SLC8A1: variants seen among roughly 807,000 people sequenced by gnomAD.
SLC8A1 encodes the protein sodium/calcium exchanger 1.
A neutral mutation model predicts 68.3 loss-of-function variants in SLC8A1; 18 were observed. The ratio of observed to expected loss-of-function variants is 0.26; its 90% CI spans 0.18 to 0.39. The LOEUF is 0.39. Among genes scored for constraint, SLC8A1 ranks in the 10% least tolerant of loss-of-function variants. The probability of loss-of-function intolerance (pLI) is 1.00; values close to 1 mark genes in which losing one functional copy is unlikely to be tolerated. For missense variants in SLC8A1, 985 were observed against 1,156.7 expected (o/e 0.85, Z 2.15); for synonymous variants, 475 against 415.5 (o/e 1.14, Z -1.74).
intron 2 of SLC8A1, among the ~76,000 whole-genome samples, chr2:40,357,559 G>A (rs558181180): frequency 6.7e-6 from 1 of 148,950 alleles, no homozygotes; most frequent in East Asian, 2.0e-4. Flanking sequence ...CAGTGTAGAA[G>A]TAATCTTCTC....
At chr2:40,318,292 C>A (rs2074736733) in intron 2 of SLC8A1, among the ~76,000 whole-genome samples, 1 of 152,026 alleles carries the variant, frequency 6.6e-6, no homozygotes, top group Admixed American at 6.6e-5. Flanking sequence ...TAATTAGAGC[C>A]TCTCCTGAAA....
intron 2 of SLC8A1, among the ~76,000 whole-genome samples, chr2:40,194,010 G>A (rs2052424321): frequency 6.6e-6 from 1 of 152,100 alleles, no homozygotes; most frequent in African/African-American, 2.4e-5. Context: ...TGCATGAAAT[G>A]CTTTCTCTGA....
chr2:40,354,063 T>C (rs1016797934), intron 2 of SLC8A1, among the ~76,000 whole-genome samples: 8 of 152,172 alleles, frequency 5.3e-5, no homozygotes, highest in African/African-American at 1.7e-4. Context: ...GCCCCAGAAA[T>C]GGGGTTGCAA....
At chr2:40,347,349 C>G (rs1669682128) in intron 2 of SLC8A1, among the ~76,000 whole-genome samples, 1 of 152,192 alleles carries the variant, frequency 6.6e-6, no homozygotes, top group Admixed American at 6.5e-5. Flanking sequence ...GGCAGAATCC[C>G]TTTGAGAACC....
In SLC8A1 at chr2:40,439,038, G is replaced by T. The variant is rs1416808171; in HGVS notation, c.-24-8734C>A. ...TGTCAGCTGTGCTTTCCCTCTCACAGACTGGGTCTCCAGGCAGGATCAAAA... is the reference window on the plus strand; with the variant it reads ...TGTCAGCTGTGCTTTCCCTCTCACATACTGGGTCTCCAGGCAGGATCAAAA... On this transcript the variant is annotated intron_variant, in intron 1 of 7. Transcript: ENST00000406785. Among the ~76,000 whole-genome samples the T allele has an allele frequency of 2.0e-5, 3 of 152,084 alleles. No homozygotes were observed. In the East Asian group the frequency reaches 5.8e-4, roughly 29 times the overall value.
intron 2 of SLC8A1, among the ~76,000 whole-genome samples, chr2:40,336,686 A>G (rs1575507711): frequency 6.6e-6 from 1 of 152,294 alleles, no homozygotes; most frequent in East Asian, 1.9e-4. Context: ...TCGTTCACAA[A>G]AATACAGGCA....
chr2:40,429,906 T>C, exon 2 of SLC8A1: 1 of 1,613,600 alleles, frequency 6.2e-7, no homozygotes, highest in Non-Finnish European at 8.5e-7. Context: ...TCCTCACAGT[T>C]GTCTTGGTGG....
At chr2:40,461,425 T>C (rs750081838) in intron 1 of SLC8A1, among the ~76,000 whole-genome samples, 9 of 152,172 alleles carry the variant, frequency 5.9e-5, no homozygotes, top group Admixed American at 5.2e-4. Flanking sequence ...CTTGGTGTGC[T>C]GGTGTTTCTA....
chr2:40,498,581 C>A (rs776245548), intron 1 of SLC8A1, among the ~76,000 whole-genome samples: 7 of 151,918 alleles, frequency 4.6e-5, no homozygotes, highest in Non-Finnish European at 1.0e-4. Flanking sequence ...TACTTAAGGC[C>A]AAATAGAGAA....
chr2:40,332,025 C>G (rs1375799233), intron 2 of SLC8A1, among the ~76,000 whole-genome samples: 5 of 151,982 alleles, frequency 3.3e-5, no homozygotes, highest in Non-Finnish European at 7.4e-5. Context: ...TCACAGTTCA[C>G]TGTAACCTCA....
At chr2:40,400,734 T>C (rs1472945968) in intron 2 of SLC8A1, among the ~76,000 whole-genome samples, 1 of 151,920 alleles carries the variant, frequency 6.6e-6, no homozygotes, top group Non-Finnish European at 1.5e-5. Flanking sequence ...CCTTGCAAGA[T>C]GGGGGTAGGA....
chr2:40,287,582 A>ATATGTGTGTGTGTGTGTGTGTGTGTG (rs1553475923), intron 2 of SLC8A1, among the ~76,000 whole-genome samples: 15 of 127,574 alleles, frequency 1.2e-4, no homozygotes, highest in African/African-American at 3.8e-4. Flanking sequence ...CAGAGGAATG[A>ATATGTGTGTGTGTGTGTGTGTGTGTG]TGTGTGTGTG....
At chr2:40,361,925 G>A (rs1674758995) in intron 2 of SLC8A1, among the ~76,000 whole-genome samples, 1 of 74,974 alleles carries the variant, frequency 1.3e-5, no homozygotes. Flanking sequence ...TTTGGAGACA[G>A]AGTCTTGCTC....
At chr2:40,397,699 G>A (rs892477810) in intron 2 of SLC8A1, among the ~76,000 whole-genome samples, 3 of 152,164 alleles carry the variant, frequency 2.0e-5, no homozygotes, top group Admixed American at 2.0e-4. Context: ...GTGGCACAAA[G>A]CATTCAGAAG....
chr2:40,356,604 GA>G (rs35434132), intron 2 of SLC8A1, among the ~76,000 whole-genome samples: 4,517 of 146,992 alleles, frequency 0.031, 80 homozygotes, highest in Non-Finnish European at 0.044. Flanking sequence ...AAGATACCAA[GA>G]AAAAAAAAAA....
chr2:40,299,367 T>A (rs17025783), intron 2 of SLC8A1, among the ~76,000 whole-genome samples: 39,632 of 152,020 alleles, frequency 0.26, 5,272 homozygotes, highest in East Asian at 0.38. Context: ...GTCACAAGAT[T>A]GCACTGTCAG....
intron 1 of SLC8A1, among the ~76,000 whole-genome samples, chr2:40,488,348 T>C (rs1022947630): frequency 1.3e-5 from 2 of 151,894 alleles, no homozygotes; most frequent in African/African-American, 2.4e-5. Flanking sequence ...TACCGTGCCA[T>C]AGAATTTGGG....
chr2:40,335,746 T>C (rs1229574362), intron 2 of SLC8A1, among the ~76,000 whole-genome samples: 1 of 152,226 alleles, frequency 6.6e-6, no homozygotes, highest in East Asian at 1.9e-4. Flanking sequence ...AATAAGGTAA[T>C]CCTTTTATTA....
chr2:40,200,636 C>T (rs1333607036), intron 2 of SLC8A1, among the ~76,000 whole-genome samples: 1 of 151,682 alleles, frequency 6.6e-6, no homozygotes, highest in Non-Finnish European at 1.5e-5. Context: ...GAACTGAGAA[C>T]TCCTGAAAAT....
Sources: allele counts gnomAD v4.1 joint callset (sites outside exome capture counted in the v4.1 genomes callset), GRCh38; gene constraint gnomAD v4.1.1; transcripts MANE v1.5; gene names NCBI Gene and HGNC (gene_info 2026-07-23, HGNC 2026-07-21).